STK32B: variants seen among roughly 807,000 people sequenced by gnomAD.
STK32B encodes the protein serine/threonine kinase 32B, also known as serine/threonine-protein kinase 32B.
In STK32B, 43 loss-of-function variants were observed where a neutral mutation model predicts 52.6. The observed-to-expected ratio is 0.82, with a 90% CI of 0.64 to 1.05. The LOEUF (loss-of-function observed/expected upper bound fraction) is 1.05. STK32B is among the 50% of genes least tolerant of loss of function. The pLI, the probability that STK32B is intolerant of heterozygous loss-of-function variation, is 0.00. For missense variants in STK32B, 621 were observed against 534.6 expected, an observed-to-expected ratio of 1.16 and a Z score of -1.59; for synonymous variants, 238 against 204.3, an observed-to-expected ratio of 1.17 and a Z score of -1.41.
intron 3 of STK32B, among the ~76,000 whole-genome samples, chr4:5,233,488 A>G (rs769162324): frequency 2.6e-5 from 4 of 152,138 alleles, no homozygotes; most frequent in Non-Finnish European, 4.4e-5. Flanking sequence ...GGCAGTATCA[A>G]TGAGGTCCAA....
chr4:5,147,142 A>T (rs1364402156), intron 2 of STK32B, among the ~76,000 whole-genome samples: 1 of 151,922 alleles, frequency 6.6e-6, no homozygotes, highest in Non-Finnish European at 1.5e-5. Flanking sequence ...TTTTGCACTA[A>T]TGTTTTTCCC....
At chr4:5,309,561 A>G (rs965669925) in intron 3 of STK32B, among the ~76,000 whole-genome samples, 2 of 152,182 alleles carry the variant, frequency 1.3e-5, no homozygotes, top group Non-Finnish European at 2.9e-5. Context: ...CAGAATAGAG[A>G]ATCTAGAAAT....
At chr4:5,337,347 A>T (rs1732777747) in intron 4 of STK32B, among the ~76,000 whole-genome samples, 1 of 152,130 alleles carries the variant, frequency 6.6e-6, no homozygotes, top group Admixed American at 6.6e-5. Context: ...ACCATGTGTG[A>T]GGGTATACAT....
At chr4:5,192,094 C>T (rs1721253859) in intron 3 of STK32B, among the ~76,000 whole-genome samples, 1 of 152,184 alleles carries the variant, frequency 6.6e-6, no homozygotes, top group Non-Finnish European at 1.5e-5. Context: ...CACTGATAAA[C>T]GGCCGCCTGG....
intron 9 of STK32B, among the ~76,000 whole-genome samples, chr4:5,464,045 C>T (rs1717238254): frequency 6.6e-6 from 1 of 152,134 alleles, no homozygotes; most frequent in South Asian, 2.1e-4. Flanking sequence ...AGGGAGCTTC[C>T]AGTCAGGGCG....
At chr4:5,091,850 A>G (rs1179932190) in intron 1 of STK32B, among the ~76,000 whole-genome samples, 1 of 152,248 alleles carries the variant, frequency 6.6e-6, no homozygotes, top group Admixed American at 6.5e-5. Flanking sequence ...GTATCCTTAA[A>G]TGGAATATTT....
At position 5,155,155 on chromosome 4, in the gene STK32B, C is replaced by G. The variant is rs146471199; in HGVS notation, c.109-13144C>G. Among the ~76,000 whole-genome samples, 970 of 152,316 alleles carry G rather than the reference C, an allele frequency of 6.4e-3. 6 individuals carry two copies. The highest frequency in any genetic ancestry group is 0.02 in the Middle Eastern group (6 of 294). On this transcript the variant is annotated intron_variant, in intron 2 of 11. Coordinates refer to ENST00000282908, the MANE Select transcript of STK32B (RefSeq NM_018401.3). ...ACCTTTCCCCCAGGTGTTTGCAAGG[C>G]TCACTTATAGCATACAGGGCTCTGC...
At chr4:5,183,352 C>T (rs1720500915) in intron 3 of STK32B, among the ~76,000 whole-genome samples, 1 of 151,996 alleles carries the variant, frequency 6.6e-6, no homozygotes, top group African/African-American at 2.4e-5. Context: ...TCGTGCATGC[C>T]TGTAATCCCA....
chr4:5,321,871 C>G (rs1024782078), intron 3 of STK32B, among the ~76,000 whole-genome samples: 5 of 152,006 alleles, frequency 3.3e-5, no homozygotes, highest in African/African-American at 1.2e-4. Context: ...TCGCCTTGGT[C>G]TACGGGAGGC....
intron 7 of STK32B, among the ~76,000 whole-genome samples, chr4:5,447,952 G>C (rs1276184595): frequency 1.3e-5 from 2 of 152,186 alleles, no homozygotes; most frequent in Non-Finnish European, 2.9e-5. Context: ...TTACATACAT[G>C]CATATTCATG....
At chr4:5,316,372 TATTA>T (rs1348066302) in intron 3 of STK32B, among the ~76,000 whole-genome samples, 9 of 45,096 alleles carry the variant, frequency 2.0e-4, no homozygotes, top group Non-Finnish European at 2.7e-4. Context: ...ATATTATATA[TATTA>T]ATTATATATA....
chr4:5,293,107 C>A (rs547177801), intron 3 of STK32B, among the ~76,000 whole-genome samples: 10 of 152,038 alleles, frequency 6.6e-5, no homozygotes, highest in Non-Finnish European at 1.3e-4. Context: ...CGTGTCCCTG[C>A]AAAAGACATT....
chr4:5,080,371 C>T (rs1173139864), intron 1 of STK32B, among the ~76,000 whole-genome samples: 1 of 152,188 alleles, frequency 6.6e-6, no homozygotes, highest in Non-Finnish European at 1.5e-5. Context: ...AACACTCAGG[C>T]ACTGCTTCAG....
At chr4:5,137,050 A>G (rs1716120289) in intron 1 of STK32B, among the ~76,000 whole-genome samples, 1 of 152,342 alleles carries the variant, frequency 6.6e-6, no homozygotes, top group African/African-American at 2.4e-5. Flanking sequence ...TTAAAGTAAT[A>G]ATGGCTTTTG....
intron 3 of STK32B, among the ~76,000 whole-genome samples, chr4:5,223,734 G>A (rs993567057): frequency 4.7e-5 from 7 of 150,114 alleles, no homozygotes; most frequent in African/African-American, 9.8e-5. Flanking sequence ...GGAGAATGGC[G>A]TGAACCTGGG....
intron 6 of STK32B, among the ~76,000 whole-genome samples, chr4:5,426,591 C>G (rs992095275): frequency 4.0e-5 from 6 of 148,662 alleles, no homozygotes; most frequent in African/African-American, 1.5e-4. Context: ...CCTGTAATCC[C>G]ACTTACTCAG....
intron 3 of STK32B, among the ~76,000 whole-genome samples, chr4:5,280,848 G>A (rs564990733): frequency 2.4e-4 from 36 of 152,144 alleles, no homozygotes; most frequent in African/African-American, 7.7e-4. Flanking sequence ...GCAGTGAGCC[G>A]ACATCGTACC....
chr4:5,456,556 C>T (rs1307478433), intron 7 of STK32B, among the ~76,000 whole-genome samples: 1 of 152,132 alleles, frequency 6.6e-6, no homozygotes, highest in Non-Finnish European at 1.5e-5. Flanking sequence ...GGCTGTGTGA[C>T]CTCGGTGAGC....
intron 3 of STK32B, among the ~76,000 whole-genome samples, chr4:5,192,107 T>C (rs1229727992): frequency 1.3e-5 from 2 of 152,212 alleles, no homozygotes; most frequent in Non-Finnish European, 2.9e-5. Flanking sequence ...CCGCCTGGGC[T>C]TCTATTGTGG....
Sources: gnomAD v4.1 joint callset for allele counts (sites outside exome capture counted in the v4.1 genomes callset) on GRCh38, gnomAD v4.1.1 for gene constraint, MANE v1.5 for transcripts, NCBI Gene and HGNC (gene_info 2026-07-23, HGNC 2026-07-21) for gene names.